PRKDC: variants seen among roughly 807,000 people sequenced by gnomAD.
The protein encoded by PRKDC is DNA-dependent protein kinase catalytic subunit.
Under a neutral mutation model 486.9 loss-of-function variants are expected in PRKDC, and 82 were observed. That is an observed-to-expected ratio of 0.17 (90% confidence interval 0.14 to 0.20). The LOEUF (loss-of-function observed/expected upper bound fraction) is 0.20, where lower values mean the gene tolerates loss of function less well. PRKDC is among the 10% of genes least tolerant of loss of function. The pLI is 1.00. For synonymous variants in PRKDC, 1,895 were observed against 1,837.0 expected (o/e 1.03, Z -0.81); for missense variants, 4,504 against 5,038.2 (o/e 0.89, Z 3.21).
At chr8:47,805,154 C>CA in intron 69 of PRKDC, 1 of 152,050 alleles carries the variant, frequency 6.6e-6, no homozygotes, top group Non-Finnish European at 1.5e-5. Context: ...CAATTAGTTG[C>CA]AAAAACCACT....
chr8:47,839,895 G>A (rs1002876685), intron 55 of PRKDC, 121 bp downstream of exon 55: 5 of 699,136 alleles, frequency 7.2e-6, no homozygotes, highest in Non-Finnish European at 9.0e-6. Context: ...GATCAACTGA[G>A]CCCAGGAGGA....
At chr8:47,923,060 G>A (rs1252919509) in intron 21 of PRKDC, among the ~76,000 whole-genome samples, 9 of 151,482 alleles carry the variant, frequency 5.9e-5, no homozygotes, top group African/African-American at 2.2e-4. Flanking sequence ...ACCATGAGAA[G>A]TCATTCTTTT....
chr8:47,915,427 T>G lies in PRKDC; in HGVS notation c.2527-9A>C, dbSNP rs2089969132. 1 of 1,445,238 alleles carries G rather than the reference T, an allele frequency of 6.9e-7. No individual in the cohort carries two copies. The highest frequency in any genetic ancestry group is 2.0e-5 in the Admixed American group (1 of 49,822). The allele number at this position is 1,445,238 out of a possible 1,614,324, so 89.5% of individuals were successfully genotyped here. On this transcript the variant is annotated splice_polypyrimidine_tract_variant and intron_variant, in intron 22 of 85. Coordinates refer to ENST00000314191, the MANE Select transcript of PRKDC (RefSeq NM_006904.7). Reference sequence around the variant, plus strand: ...AAGGATATTGCTTCGTTCTGTAAATTTGAACAATTGTATATATGTGATTAC... The same window carrying G: ...AAGGATATTGCTTCGTTCTGTAAATGTGAACAATTGTATATATGTGATTAC...
intron 68 of PRKDC, among the ~76,000 whole-genome samples, chr8:47,807,981 C>T (rs1456360034): frequency 1.3e-5 from 2 of 152,066 alleles, no homozygotes; most frequent in African/African-American, 4.8e-5. Flanking sequence ...GCCTTGGGCT[C>T]CCAAAGTGCT....
chr8:47,930,937 A>G (rs990423152), intron 16 of PRKDC, 150 bp from the exon 17 acceptor site: 3 of 709,248 alleles, frequency 4.2e-6, no homozygotes, highest in Admixed American at 6.4e-5. Context: ...CTCAAGACCT[A>G]TGGTCTGATA....
chr8:47,936,568 T>C, intron 11 of PRKDC, 51 bp from the exon 12 acceptor site: 1 of 1,593,304 alleles, frequency 6.3e-7, no homozygotes, highest in Admixed American at 1.7e-5. Context: ...AAGATCAAAA[T>C]AATATTTAAG....
At chr8:47,877,255 C>T (rs559975214) in intron 40 of PRKDC, among the ~76,000 whole-genome samples, 1 of 152,080 alleles carries the variant, frequency 6.6e-6, no homozygotes, top group Non-Finnish European at 1.5e-5. Flanking sequence ...CTTGTTTGGA[C>T]CAAATTTCAA....
intron 7 of PRKDC, among the ~76,000 whole-genome samples, chr8:47,945,542 T>C (rs1431519167): frequency 1.3e-5 from 2 of 152,184 alleles, no homozygotes; most frequent in Non-Finnish European, 2.9e-5. Flanking sequence ...TAGCATCCTG[T>C]CTGCAAGGTT....
Position 47,927,756 on chromosome 8 carries a change from C to G in PRKDC, c.2259+15G>C. ...ACAGCGATGAAGAGATGGCTCTGTT[C>G]AAGACAACGCCTACCTGCAGTGCAG... On this transcript the variant is annotated intron_variant, in intron 20 of 85. Coordinates refer to ENST00000314191, the MANE Select transcript of PRKDC (RefSeq NM_006904.7). 1 of 1,504,852 alleles carries G rather than the reference C, an allele frequency of 6.6e-7. No homozygotes were observed. The highest frequency in any genetic ancestry group is 8.8e-7 in the Non-Finnish European group (1 of 1,131,404). 93.2% of individuals were successfully genotyped at this position (1,504,852 alleles called of 1,614,324 possible). A position where few individuals can be genotyped will look rare whatever the true frequency, so the allele number is the denominator to read the frequency against.
intron 39 of PRKDC, 71 bp from the exon 40 acceptor site, chr8:47,877,922 A>AG (rs2089123998): frequency 8.7e-7 from 1 of 1,149,162 alleles, no homozygotes; most frequent in African/African-American, 1.6e-5. Flanking sequence ...TAAATTATAT[A>AG]CTAAAAATAT....
At chr8:47,810,528 T>A (rs891243881) in intron 68 of PRKDC, among the ~76,000 whole-genome samples, 3 of 152,186 alleles carry the variant, frequency 2.0e-5, no homozygotes, top group African/African-American at 7.2e-5. Context: ...TATTCACAAG[T>A]TACATTCAAA....
chr8:47,944,164 C>A, intron 7 of PRKDC, 135 bp from the exon 8 acceptor site: 1 of 790,664 alleles, frequency 1.3e-6, no homozygotes. Flanking sequence ...ATCATTCCAT[C>A]CAGCTAAAGT....
intron 39 of PRKDC, among the ~76,000 whole-genome samples, chr8:47,879,260 T>C (rs994093282): frequency 6.6e-6 from 1 of 152,176 alleles, no homozygotes; most frequent in East Asian, 1.9e-4. Context: ...CACACACACA[T>C]AAATAAATGG....
At chr8:47,832,308 C>T (rs1160712687) in intron 59 of PRKDC, among the ~76,000 whole-genome samples, 5 of 152,176 alleles carry the variant, frequency 3.3e-5, no homozygotes, top group Non-Finnish European at 2.9e-5. Flanking sequence ...GACAGGTGAC[C>T]GCAACACTCC....
At position 47,783,762 on chromosome 8, in the gene PRKDC, T is replaced by C. The variant is rs373920642; in HGVS notation, c.11155A>G (p.Ile3719Val). 32 of 1,613,820 alleles carry C rather than the reference T, an allele frequency of 2.0e-5. No homozygotes were observed. The highest frequency in any genetic ancestry group is 1.6e-4 in the Middle Eastern group (1 of 6,084). Residue 3719 changes from isoleucine (I) to valine (V), a missense_variant, in exon 78 of 86, where the codon ATC (isoleucine) becomes GTC (valine). This residue lies in a region of PRKDC where 706 missense variants were observed against 945.0 expected (regional missense o/e 0.75). Transcript: ENST00000314191. ...CCTACCCGCTCATCAAACCCGGCGATTCGCACGTGGTACTCTGGCAATGGC... is the reference window on the plus strand; with the variant it reads ...CCTACCCGCTCATCAAACCCGGCGACTCGCACGTGGTACTCTGGCAATGGC... ...GKPLPEYHVR[I>V]AGFDERVTVM...
chr8:47,873,545 G>A (rs1467252092), intron 40 of PRKDC, among the ~76,000 whole-genome samples: 1 of 152,072 alleles, frequency 6.6e-6, no homozygotes, highest in Admixed American at 6.6e-5. Context: ...TCAGTATATC[G>A]AAGAGGTACT....
At chr8:47,872,856 C>T (rs549292657) in intron 40 of PRKDC, among the ~76,000 whole-genome samples, 4 of 152,208 alleles carry the variant, frequency 2.6e-5, no homozygotes, top group South Asian at 2.1e-4. Context: ...TTCAACACCC[C>T]GCCTTCAGGA....
chr8:47,913,756 G>C, intron 24 of PRKDC, 145 bp downstream of exon 24: 1 of 759,318 alleles, frequency 1.3e-6, no homozygotes, highest in Non-Finnish European at 1.9e-6. Flanking sequence ...CTTCTAATAA[G>C]TAAGTAGTTT....
chr8:47,893,521 A>G, intron 30 of PRKDC, 134 bp from the exon 31 acceptor site: 1 of 928,282 alleles, frequency 1.1e-6, no homozygotes, highest in Non-Finnish European at 1.5e-6. Context: ...TTTCACTGTA[A>G]TTACTTCCAA....
Sources: allele counts gnomAD v4.1 joint callset (sites outside exome capture counted in the v4.1 genomes callset), GRCh38; gene constraint gnomAD v4.1.1; regional missense constraint gnomAD v4.1.1; transcripts MANE v1.5; gene names NCBI Gene and HGNC (gene_info 2026-07-23, HGNC 2026-07-21).